Variants in MRC1 observed in about 807,000 individuals in gnomAD.
MRC1 encodes macrophage mannose receptor 1.
A neutral mutation model predicts 102.9 loss-of-function variants in MRC1; 62 were observed. The observed-to-expected ratio is 0.60, with a 90% CI of 0.49 to 0.74. The LOEUF is 0.74. MRC1 is among the 30% of genes least tolerant of loss of function. The pLI, the probability that MRC1 is intolerant of heterozygous loss-of-function variation, is 0.00. For synonymous variants in MRC1, 457 were observed against 298.4 expected (o/e 1.53, Z -5.48); for missense variants, 1,237 against 862.8 (o/e 1.43, Z -5.43).
At chr10:17,862,728 T>C (rs1833202272) in intron 10 of MRC1, among the ~76,000 whole-genome samples, 1 of 152,218 alleles carries the variant, frequency 6.6e-6, no homozygotes, top group African/African-American at 2.4e-5. Context: ...GTATTGCTGT[T>C]AGGTTTCTCT....
At chr10:17,880,016 A>G (rs2130689648) in intron 19 of MRC1, among the ~76,000 whole-genome samples, 195 bp downstream of exon 19, 1 of 152,330 alleles carries the variant, frequency 6.6e-6, no homozygotes, top group East Asian at 1.9e-4. Flanking sequence ...CTAGTAAATG[A>G]CATAGTTAAT....
At chr10:17,855,664 C>T (rs1833078182) in intron 8 of MRC1, among the ~76,000 whole-genome samples, 1 of 151,556 alleles carries the variant, frequency 6.6e-6, no homozygotes, top group Non-Finnish European at 1.5e-5. Context: ...TAATTTCTCC[C>T]TGGATTCCTC....
Position 17,910,373 on chromosome 10 carries a change from A to G in MRC1, c.4279A>G (p.Thr1427Ala). The change falls in exon 30 of 30, where the codon ACT (threonine) becomes GCT (alanine). Residue 1427 changes from threonine (T) to alanine (A), a missense_variant. Coordinates refer to ENST00000569591, the MANE Select transcript of MRC1 (RefSeq NM_002438.4). Reference protein sequence around the residue: ...HLPQEGAFENTLYFNSQSSPG... With the variant: ...HLPQEGAFENALYFNSQSSPG... ...ACCTCAAGAGGGCGCCTTTGAAAAC[A>G]CTCTGTATTTTAACAGTCAGTCAAG... is the stretch of plus-strand genomic sequence containing the variant. The G allele has an allele frequency of 1.3e-6, 1 of 780,536 alleles. No individual in the cohort carries two copies. Among genetic ancestry groups the G allele is most frequent in the East Asian group, 2.4e-5 (1 of 41,236 alleles). 48.4% of individuals were successfully genotyped at this position (780,536 alleles called of 1,614,324 possible). A position where few individuals can be genotyped will look rare whatever the true frequency, so the allele number is the denominator to read the frequency against.
intron 4 of MRC1, among the ~76,000 whole-genome samples, chr10:17,839,275 C>T (rs1354868156): frequency 6.6e-6 from 1 of 152,194 alleles, no homozygotes; most frequent in Non-Finnish European, 1.5e-5. Flanking sequence ...TACGCAGTCT[C>T]AATATCTACT....
chr10:17,859,886 A>G (rs1250558482), intron 9 of MRC1, among the ~76,000 whole-genome samples: 2 of 152,130 alleles, frequency 1.3e-5, no homozygotes, highest in Non-Finnish European at 2.9e-5. Context: ...AAACTCAGGA[A>G]TTGTTTTTTT....
chr10:17,900,283 A>G (rs1457290147), intron 24 of MRC1, among the ~76,000 whole-genome samples: 2 of 151,260 alleles, frequency 1.3e-5, no homozygotes, highest in Admixed American at 1.3e-4. Flanking sequence ...CCTCTCTTCC[A>G]TACCTCTCTT....
At chr10:17,881,432 T>A (rs1269410503) in intron 21 of MRC1, among the ~76,000 whole-genome samples, 4 of 152,164 alleles carry the variant, frequency 2.6e-5, no homozygotes, top group African/African-American at 9.7e-5. Context: ...GGAGAAATGG[T>A]GCATAGACAG....
At chr10:17,898,335 G>C in intron 24 of MRC1, 69 bp downstream of exon 24, 1 of 780,302 alleles carries the variant, frequency 1.3e-6, no homozygotes, top group Non-Finnish European at 2.4e-6. Context: ...TTATCTTTCT[G>C]TTTGTTCTGT....
chr10:17,854,412 A>G (rs1833046664), intron 8 of MRC1, among the ~76,000 whole-genome samples: 2 of 152,218 alleles, frequency 1.3e-5, no homozygotes, highest in Non-Finnish European at 2.9e-5. Flanking sequence ...GTTTAAGAAC[A>G]TATTAGGTGT....
rs927384073 is a variant in MRC1, at chr10:17,817,264, A to G, written c.62-5810A>G. Among the ~76,000 whole-genome samples, 294 of 151,832 alleles carry G rather than the reference A, an allele frequency of 1.9e-3. 1 individual carries two copies. The highest frequency in any genetic ancestry group is 3.1e-3 in the Non-Finnish European group (208 of 67,914). On this transcript the variant is annotated intron_variant, in intron 1 of 29. Coordinates refer to ENST00000569591, the MANE Select transcript of MRC1 (RefSeq NM_002438.4). The stretch of plus-strand genomic sequence containing the variant: ...CTCTGTCTCAAAAAAAAAAAAAAAA[A>G]AAAGAAAGAAAATCCACACCTATGT...
At position 17,840,637 on chromosome 10, in the gene MRC1, C is replaced by T. The variant is rs2130625523; in HGVS notation, c.803-56C>T. 5.1e-6 allele frequency: 4 copies of T among 776,832 alleles called. No individual in the cohort carries two copies. In the South Asian group the frequency reaches 5.4e-5, roughly 10 times the overall value. 48.1% of individuals were successfully genotyped at this position (776,832 alleles called of 1,614,324 possible). A position where few individuals can be genotyped will look rare whatever the true frequency, so the allele number is the denominator to read the frequency against. ...CACTTAGTTCTGAATTTAATTTCAA[C>T]TGTTTTCTGAATGCCAAGTTCTTGT... On this transcript the variant is annotated intron_variant, in intron 4 of 29. Transcript: ENST00000569591.
chr10:17,868,293 G>C (rs938939371), intron 12 of MRC1, among the ~76,000 whole-genome samples: 2 of 152,130 alleles, frequency 1.3e-5, no homozygotes, highest in Admixed American at 6.5e-5. Flanking sequence ...ACATGGCTGG[G>C]GAGGCCTCAG....
Position 17,816,637 on chromosome 10 carries a change from G to A in MRC1, c.62-6437G>A, listed in dbSNP as rs1024464690. ...CCAGGGCAAAAGGCGTGGTGCTGGC[G>A]TTTGGGAGTGGGGCCTGCATGCACC... On this transcript the variant is annotated intron_variant, in intron 1 of 29. Transcript: ENST00000569591. Among the ~76,000 whole-genome samples, 43 of 152,306 alleles carry A rather than the reference G, an allele frequency of 2.8e-4. No individual in the cohort carries two copies. In the South Asian group the frequency reaches 3.3e-3, roughly 12 times the overall value.
chr10:17,880,993 T>C (rs1833505949), intron 20 of MRC1, 74 bp from the exon 21 acceptor site: 2 of 773,712 alleles, frequency 2.6e-6, no homozygotes, highest in African/African-American at 1.7e-5. Flanking sequence ...TTTTGCTTTT[T>C]GTAGAGCAAA....
intron 1 of MRC1, among the ~76,000 whole-genome samples, chr10:17,814,661 C>T (rs1327528312): frequency 3.4e-5 from 5 of 148,216 alleles, no homozygotes; most frequent in Admixed American, 6.7e-5. Context: ...TCCGTGTTCT[C>T]GGTCCTTCCG....
At chr10:17,892,892 C>T (rs1262999421) in intron 22 of MRC1, among the ~76,000 whole-genome samples, 1 of 151,994 alleles carries the variant, frequency 6.6e-6, no homozygotes, top group East Asian at 1.9e-4. Context: ...CGCCTGTAGT[C>T]CCAGCTACTC....
intron 22 of MRC1, 133 bp downstream of exon 22, chr10:17,885,568 A>G: frequency 1.5e-6 from 1 of 679,240 alleles, no homozygotes; most frequent in East Asian, 2.5e-5. Flanking sequence ...GATTTTACCT[A>G]TTTCAGACTG....
chr10:17,903,697 C>G (rs1189926820), intron 26 of MRC1, among the ~76,000 whole-genome samples: 1 of 151,836 alleles, frequency 6.6e-6, no homozygotes, highest in Non-Finnish European at 1.5e-5. Context: ...CACCTGGCCT[C>G]CATTTTAATT....
In MRC1 at chr10:17,910,337, C is replaced by T. The variant is rs891788253; in HGVS notation, c.4243C>T (p.Arg1415Cys). The change falls in exon 30 of 30, where the codon CGT (arginine) becomes TGT (cysteine). Residue 1415 changes from arginine to cysteine, a missense_variant. Physicochemically the swap from Arg to Cys is radical, Grantham distance 180 (BLOSUM62 -3). Transcript: ENST00000569591. ...CGCCTATTTCTTTTATAAGAAAAGA[C>T]GTGTGCACCTACCTCAAGAGGGCGC... ...LAAYFFYKKR[R>C]VHLPQEGAFE... is the part of the protein sequence containing the mutation. 2.2e-5 allele frequency: 17 copies of T among 780,636 alleles called. No individual in the cohort carries two copies. The highest frequency in any genetic ancestry group is 1.4e-4 in the African/African-American group (8 of 59,086). The allele number at this position is 780,636 out of a possible 1,614,324, so 48.4% of individuals were successfully genotyped here. A position where few individuals can be genotyped will look rare whatever the true frequency, so the allele number is the denominator to read the frequency against.
Sources: gnomAD v4.1 joint callset for allele counts (sites outside exome capture counted in the v4.1 genomes callset) on GRCh38, gnomAD v4.1.1 for gene constraint, MANE v1.5 for transcripts, NCBI Gene and HGNC (gene_info 2026-07-23, HGNC 2026-07-21) for gene names.